The following AGTPBP1 variants were observed in gnomAD, a reference collection of about 807,000 sequenced individuals.
AGTPBP1 encodes the protein ATP/GTP binding carboxypeptidase 1, also known as cytosolic carboxypeptidase 1.
A neutral mutation model predicts 143.9 loss-of-function variants in AGTPBP1; 70 were observed. The ratio of observed to expected loss-of-function variants is 0.49; its 90% CI spans 0.40 to 0.59. AGTPBP1 has a LOEUF of 0.59. AGTPBP1 is among the 20% of genes least tolerant of loss of function. The pLI is 0.00. For synonymous variants in AGTPBP1, 463 were observed against 500.2 expected, an observed-to-expected ratio of 0.93 and a Z score of 0.99; for missense variants, 1,229 against 1,464.5, an observed-to-expected ratio of 0.84 and a Z score of 2.62.
chr9:85,632,979 G>A lies in AGTPBP1; in HGVS notation c.1698C>T (p.Thr566=), dbSNP rs199601007. Residue 566 remains threonine (T), a synonymous_variant, in exon 14 of 26, where the codon ACC becomes ACT. Coordinates refer to ENST00000357081, the MANE Select transcript of AGTPBP1 (RefSeq NM_001330701.2). Reference sequence around the variant, plus strand: ...CCATGTGTGGACATGCTTTAGCACAGGTAAGGACAGTAAGAGGAAGACTGC... The same window carrying A: ...CCATGTGTGGACATGCTTTAGCACAAGTAAGGACAGTAAGAGGAAGACTGC... ...KDCSLPLTVL[T]CAKACPHMAT... is the part of the protein sequence containing the mutation. 7.9e-5 allele frequency: 128 copies of A among 1,613,996 alleles called. No individual in the cohort carries two copies. Among genetic ancestry groups the A allele is most frequent in the Non-Finnish European group, 2.2e-5 (26 of 1,180,028 alleles).
chr9:85,765,028 G>A, the AGTPBP1 span: 85 of 608,712 alleles, frequency 1.4e-4, 2 homozygotes, highest in South Asian at 1.3e-3. Flanking sequence ...GGTAAACTTG[G>A]TTCCTTGAGA....
At chr9:85,764,775 A>C in the AGTPBP1 span, 1 of 1,296,852 alleles carries the variant, frequency 7.7e-7, no homozygotes, top group Non-Finnish European at 1.1e-6. Flanking sequence ...TTCTCTGAAA[A>C]GAATGTGCAG....
At chr9:85,636,996 A>G (rs974123762) in intron 13 of AGTPBP1, among the ~76,000 whole-genome samples, 1 of 151,796 alleles carries the variant, frequency 6.6e-6, no homozygotes, top group African/African-American at 2.4e-5. Flanking sequence ...AAGTTCACTG[A>G]TAGGTATTTA....
chr9:85,648,234 C>T (rs773595414), intron 11 of AGTPBP1, among the ~76,000 whole-genome samples: 45 of 152,128 alleles, frequency 3.0e-4, no homozygotes, highest in Non-Finnish European at 4.6e-4. Flanking sequence ...ACGTAAAGTG[C>T]CAGGCAGAGT....
intron 19 of AGTPBP1, among the ~76,000 whole-genome samples, chr9:85,591,533 A>G (rs1362858869): frequency 6.6e-6 from 1 of 152,202 alleles, no homozygotes; most frequent in South Asian, 2.1e-4. Flanking sequence ...GTAAAGAACA[A>G]TAACATAAAA....
intron 2 of AGTPBP1, among the ~76,000 whole-genome samples, chr9:85,697,562 C>T (rs1388935827): frequency 7.0e-6 from 1 of 142,728 alleles, no homozygotes; most frequent in African/African-American, 2.8e-5. Flanking sequence ...ACGCCATTCT[C>T]CTGCCTCAGC....
At chr9:85,777,011 G>C in the AGTPBP1 span, among the ~76,000 whole-genome samples, 2 of 152,124 alleles carry the variant, frequency 1.3e-5, no homozygotes, top group African/African-American at 4.8e-5. Flanking sequence ...CATGTAATTG[G>C]TGTTGTAATT....
the AGTPBP1 span, among the ~76,000 whole-genome samples, chr9:85,747,532 T>A: frequency 2.0e-5 from 3 of 152,222 alleles, no homozygotes; most frequent in African/African-American, 7.2e-5. Context: ...TTTGTTTAGG[T>A]CTTCATTAAT....
rs372208225 is a variant in AGTPBP1, at chr9:85,626,088, ATTTAAT to A, written c.2016-4809_2016-4804del. ...CTAAGCATACTAAAATAAGAGATAAATTTAATTTTAATTTTAAATCCAACTTAAACC... is the reference window on the plus strand; with the variant it reads ...CTAAGCATACTAAAATAAGAGATAAATTTAATTTTAAATCCAACTTAAACC... On this transcript the variant is annotated intron_variant, in intron 14 of 25. Coordinates refer to ENST00000357081, the MANE Select transcript of AGTPBP1 (RefSeq NM_001330701.2). Among the ~76,000 whole-genome samples the A allele has an allele frequency of 3.0e-3, 456 of 152,172 alleles. 2 individuals carry two copies. Among genetic ancestry groups the A allele is most frequent in the African/African-American group, 0.01 (416 of 41,548 alleles).
At chr9:85,787,743 C>T in the AGTPBP1 span, 5 of 152,334 alleles carry the variant, frequency 3.3e-5, no homozygotes, top group African/African-American at 1.2e-4. Context: ...TTCCAAAACA[C>T]TTGTAAACCG....
At chr9:85,691,522 CA>C (rs35202350) in intron 3 of AGTPBP1, among the ~76,000 whole-genome samples, 96 of 138,344 alleles carry the variant, frequency 6.9e-4, no homozygotes, top group Middle Eastern at 3.6e-3. Flanking sequence ...TTCTCTTATC[CA>C]AAAAAAAAAG....
intron 24 of AGTPBP1, among the ~76,000 whole-genome samples, chr9:85,576,529 C>A (rs1341117413): frequency 2.0e-5 from 3 of 152,066 alleles, no homozygotes; most frequent in Non-Finnish European, 4.4e-5. Context: ...TTCATTTGAC[C>A]TTTTAATTTG....
At chr9:85,684,183 C>T (rs2134187271) in intron 3 of AGTPBP1, among the ~76,000 whole-genome samples, 1 of 152,274 alleles carries the variant, frequency 6.6e-6, no homozygotes, top group Non-Finnish European at 1.5e-5. Context: ...CTCAATCTTT[C>T]CTCTCATTCT....
the AGTPBP1 span, among the ~76,000 whole-genome samples, chr9:85,799,500 C>T: frequency 6.6e-6 from 1 of 152,078 alleles, no homozygotes; most frequent in African/African-American, 2.4e-5. Flanking sequence ...AGAGATACCC[C>T]ATCTATAAAA....
At chr9:85,616,075 C>T (rs1248863128) in intron 17 of AGTPBP1, among the ~76,000 whole-genome samples, 1 of 151,838 alleles carries the variant, frequency 6.6e-6, no homozygotes, top group Non-Finnish European at 1.5e-5. Flanking sequence ...AAATGCATAA[C>T]TATATGTAAG....
chr9:85,632,611 C>T (rs770383234), intron 14 of AGTPBP1, 51 bp downstream of exon 14: 10 of 1,451,608 alleles, frequency 6.9e-6, no homozygotes, highest in Non-Finnish European at 9.3e-6. Flanking sequence ...AAGACTGCCT[C>T]ATATCTTGAC....
the AGTPBP1 span, among the ~76,000 whole-genome samples, chr9:85,775,959 CAAGTT>C: frequency 6.6e-6 from 1 of 152,202 alleles, no homozygotes; most frequent in African/African-American, 2.4e-5. Flanking sequence ...TCAATCCAGT[CAAGTT>C]AACACTCGGT....
At chr9:85,630,143 G>T (rs1289232622) in intron 14 of AGTPBP1, among the ~76,000 whole-genome samples, 2 of 152,208 alleles carry the variant, frequency 1.3e-5, no homozygotes, top group Non-Finnish European at 2.9e-5. Flanking sequence ...ATGCTGAAAA[G>T]AAGAAATATC....
chr9:85,800,638 G>T, the AGTPBP1 span, among the ~76,000 whole-genome samples: 5 of 152,138 alleles, frequency 3.3e-5, no homozygotes, highest in Non-Finnish European at 5.9e-5. Context: ...TGCTTAACCA[G>T]AAGTCCCCTT....
Sources: allele counts gnomAD v4.1 joint callset (sites outside exome capture counted in the v4.1 genomes callset), GRCh38; gene constraint gnomAD v4.1.1; transcripts MANE v1.5; gene names NCBI Gene and HGNC (gene_info 2026-07-23, HGNC 2026-07-21).